Variants in GJB1 observed in about 807,000 individuals in gnomAD.
GJB1 encodes gap junction beta-1 protein.
In GJB1, 1 loss-of-function variant was observed where a neutral mutation model predicts 12.0. The ratio of observed to expected loss-of-function variants is 0.08; its 90% confidence interval spans 0.03 to 0.40. GJB1 has a LOEUF of 0.40. Among genes scored for constraint, GJB1 ranks in the 10% least tolerant of loss-of-function variants. GJB1 has a pLI of 0.98. For missense variants in GJB1, 140 were observed against 250.3 expected (o/e 0.56, Z 2.97); for synonymous variants, 114 against 102.8 (o/e 1.11, Z -0.66).
chrX:71,218,125 C>T, intron 1 of GJB1, among the ~76,000 whole-genome samples: 1 of 110,870 alleles, frequency 9.0e-6, no homozygotes, highest in Non-Finnish European at 1.9e-5. Context: ...AACACCATCT[C>T]TACTAAAAAT....
chrX:71,224,723 C>A lies in GJB1; in HGVS notation c.*164C>A. The A allele has an allele frequency of 1.9e-6, 1 of 527,696 alleles. No homozygotes were observed. The highest frequency in any genetic ancestry group is 3.3e-6 in the Non-Finnish European group (1 of 306,783). 43.5% of individuals were successfully genotyped at this position (527,696 alleles called of 1,213,427 possible). A position where few individuals can be genotyped will look rare whatever the true frequency, so the allele number is the denominator to read the frequency against. On this transcript the variant is annotated 3_prime_UTR_variant, in exon 2 of 2. Transcript: ENST00000361726. ...CTCCCGGGGCCTTCCTTTTGAGGAG[C>A]TGGAGGGGTGGGGAGCTAGAGGCCA...
chrX:71,225,229 C>G lies in GJB1; in HGVS notation c.*670C>G, dbSNP rs2092548365. ...AGGTGGCTTGTGTGTTTGTCAAGTTCTTTCTCCTGCAACCTCTGACCTCCC... is the reference window on the plus strand; with the variant it reads ...AGGTGGCTTGTGTGTTTGTCAAGTTGTTTCTCCTGCAACCTCTGACCTCCC... On this transcript the variant is annotated 3_prime_UTR_variant, in exon 2 of 2. Coordinates refer to ENST00000361726, the MANE Select transcript of GJB1 (RefSeq NM_000166.6). 8.1e-6 allele frequency: 1 copy of G among 123,827 alleles called. No individual in the cohort carries two copies. Among genetic ancestry groups the G allele is most frequent in the Non-Finnish European group, 1.9e-5 (1 of 53,771 alleles). The allele number at this position is 123,827 out of a possible 1,213,427, so 10.2% of individuals were successfully genotyped here. A position where few individuals can be genotyped will look rare whatever the true frequency, so the allele number is the denominator to read the frequency against.
chrX:71,224,754 G>A lies in GJB1; in HGVS notation c.*195G>A, dbSNP rs1308871981. The A allele has an allele frequency of 1.7e-5, 8 of 469,921 alleles. No individual in the cohort carries two copies. The highest frequency in any genetic ancestry group is 5.9e-4 in the Middle Eastern group (1 of 1,695). The allele number at this position is 469,921 out of a possible 1,213,427, so 38.7% of individuals were successfully genotyped here. Reference sequence around the variant, plus strand: ...GGGTGGGGAGCTAGAGGCCACCTATGCCAGTGCTCAAGGTTACTGGGAGTG... The same window carrying A: ...GGGTGGGGAGCTAGAGGCCACCTATACCAGTGCTCAAGGTTACTGGGAGTG... On this transcript the variant is annotated 3_prime_UTR_variant, in exon 2 of 2. Transcript: ENST00000361726.
Position 71,224,853 on chromosome X carries a change from G to C in GJB1, c.*294G>C. On this transcript the variant is annotated 3_prime_UTR_variant, in exon 2 of 2. Transcript: ENST00000361726. ...CTGGGACCACTGGGTACAAGAGATG[G>C]GATGCTCCGACAGCGTCTCCAATTA... The C allele has an allele frequency of 2.4e-6, 1 of 412,467 alleles. No homozygotes were observed. Among genetic ancestry groups the C allele is most frequent in the Non-Finnish European group, 4.4e-6 (1 of 228,247 alleles). The allele number at this position is 412,467 out of a possible 1,213,427, so 34.0% of individuals were successfully genotyped here. A position where few individuals can be genotyped will look rare whatever the true frequency, so the allele number is the denominator to read the frequency against.
chrX:71,219,882 G>A (rs1303542334), upstream of GJB1, among the ~76,000 whole-genome samples: 5 of 92,991 alleles, frequency 5.4e-5, no homozygotes, highest in African/African-American at 1.6e-4. Flanking sequence ...TCGTTCTGTC[G>A]CCCAGCCTGG....
chrX:71,217,102 G>A (rs946530261), intron 1 of GJB1, among the ~76,000 whole-genome samples: 2 of 91,363 alleles, frequency 2.2e-5, no homozygotes, highest in Non-Finnish European at 4.3e-5. Context: ...CAGACTAGAC[G>A]AATGTGTGTG....
At chrX:71,217,139 T>TGTGTGTGTGTGTGC (rs1491575067) in intron 1 of GJB1, among the ~76,000 whole-genome samples, 45 of 106,684 alleles carry the variant, frequency 4.2e-4, no homozygotes, top group African/African-American at 6.2e-4. Flanking sequence ...TGTGTGTGTG[T>TGTGTGTGTGTGTGC]GCGTGTGCCA....
upstream of GJB1, chrX:71,222,732 A>G (rs1204112942): frequency 9.0e-6 from 1 of 110,548 alleles, no homozygotes; most frequent in Non-Finnish European, 1.9e-5. Flanking sequence ...GGAAAATGGG[A>G]TAACAGGCTT....
At chrX:71,215,434 G>T (rs1214511437) in intron 1 of GJB1, 2 of 112,344 alleles carry the variant, frequency 1.8e-5, no homozygotes, top group Non-Finnish European at 3.8e-5. Flanking sequence ...TGAAGCTGGG[G>T]TGAGGCCCCT....
At chrX:71,218,185 G>A (rs974158558) in intron 1 of GJB1, among the ~76,000 whole-genome samples, 4 of 110,400 alleles carry the variant, frequency 3.6e-5, no homozygotes, top group Admixed American at 9.8e-5. Context: ...CCAGCTACTC[G>A]GGAGGCTGAG....
chrX:71,223,564 C>T, intron 1 of GJB1, 128 bp from the exon 2 acceptor site: 1 of 628,626 alleles, frequency 1.6e-6, no homozygotes, highest in South Asian at 2.3e-5. Flanking sequence ...CGAGGAAAGA[C>T]ATGACCATCC....
intron 1 of GJB1, chrX:71,217,811 C>G (rs1412222839): frequency 1.0e-5 from 1 of 98,396 alleles, no homozygotes; most frequent in Non-Finnish European, 2.0e-5. Flanking sequence ...CAGGGGTGGC[C>G]AGGATGTCTG....
intron 1 of GJB1, among the ~76,000 whole-genome samples, chrX:71,218,073 C>T (rs1425920539): frequency 1.8e-5 from 2 of 111,280 alleles, no homozygotes; most frequent in South Asian, 3.8e-4. Context: ...AGCAGGATTA[C>T]CTGAGGTCAG....
chrX:71,217,139 T>TGTGTGTGTGTGC (rs1491575067), intron 1 of GJB1, among the ~76,000 whole-genome samples: 20 of 106,682 alleles, frequency 1.9e-4, no homozygotes, highest in African/African-American at 3.1e-4. Context: ...TGTGTGTGTG[T>TGTGTGTGTGTGC]GCGTGTGCCA....
At chrX:71,218,877 C>T (rs931818237), upstream of GJB1, among the ~76,000 whole-genome samples, 4 of 106,294 alleles carry the variant, frequency 3.8e-5, no homozygotes, top group African/African-American at 1.4e-4. Flanking sequence ...CTGAGCTAGA[C>T]TCCGTCTCAA....
In GJB1 at chrX:71,225,116, T is replaced by A. The variant is rs2092548182; in HGVS notation, c.*557T>A. On this transcript the variant is annotated 3_prime_UTR_variant, in exon 2 of 2. Coordinates refer to ENST00000361726, the MANE Select transcript of GJB1 (RefSeq NM_000166.6). Reference sequence around the variant, plus strand: ...GCAGGCAGATAAGTTGGAGCAGGGGTTGGTCAAGGCCACCTCTGCCTCTAG... The same window carrying A: ...GCAGGCAGATAAGTTGGAGCAGGGGATGGTCAAGGCCACCTCTGCCTCTAG... The A allele has an allele frequency of 7.6e-6, 1 of 131,014 alleles. No individual in the cohort carries two copies. Among genetic ancestry groups the A allele is most frequent in the Admixed American group, 8.3e-5 (1 of 12,057 alleles). The allele number at this position is 131,014 out of a possible 1,213,427, so 10.8% of individuals were successfully genotyped here.
chrX:71,220,334 T>TC (rs2092534753), upstream of GJB1, among the ~76,000 whole-genome samples: 1 of 103,005 alleles, frequency 9.7e-6, no homozygotes, highest in East Asian at 3.1e-4. Context: ...CCGGCCTTTT[T>TC]TTTTTTTTTT....
chrX:71,218,111 G>A (rs2092528815), intron 1 of GJB1, among the ~76,000 whole-genome samples: 1 of 110,964 alleles, frequency 9.0e-6, no homozygotes, highest in African/African-American at 3.3e-5. Context: ...GGCCAACATG[G>A]TAAAACACCA....
In GJB1 at chrX:71,224,627, TGCC is replaced by T. The variant is rs1311893378; in HGVS notation, c.*70_*72del. On this transcript the variant is annotated 3_prime_UTR_variant, in exon 2 of 2. Coordinates refer to ENST00000361726, the MANE Select transcript of GJB1 (RefSeq NM_000166.6). ...CCTGGGCGAGCCCCTCCTTCTCCCC[TGCC>T]GGTGCACAGGCCTCTGCCTGCTGGG... The T allele has an allele frequency of 1.1e-6, 1 of 902,954 alleles. No homozygotes were observed. Among genetic ancestry groups the T allele is most frequent in the Non-Finnish European group, 1.6e-6 (1 of 641,485 alleles). 74.4% of individuals were successfully genotyped at this position (902,954 alleles called of 1,213,427 possible).
Sources: allele counts gnomAD v4.1 joint callset (sites outside exome capture counted in the v4.1 genomes callset), GRCh38; gene constraint gnomAD v4.1.1; transcripts MANE v1.5; gene names NCBI Gene and HGNC (gene_info 2026-07-23, HGNC 2026-07-21).